SHTN1: variants seen among roughly 807,000 people sequenced by gnomAD.
The protein encoded by SHTN1 is shootin-1.
Under a neutral mutation model 83.1 loss-of-function variants are expected in SHTN1, and 42 were observed. The ratio of observed to expected loss-of-function variants is 0.51; its 90% CI spans 0.39 to 0.65. The LOEUF is 0.65. SHTN1 is among the 30% of genes least tolerant of loss of function. The pLI, the probability that SHTN1 is intolerant of heterozygous loss-of-function variation, is 0.00. For missense variants in SHTN1, 622 were observed against 737.8 expected (o/e 0.84, Z 1.82); for synonymous variants, 224 against 247.7 (o/e 0.90, Z 0.90).
intron 1 of SHTN1, among the ~76,000 whole-genome samples, chr10:117,070,474 C>T (rs765919959): frequency 1.3e-5 from 2 of 151,882 alleles, no homozygotes; most frequent in African/African-American, 2.4e-5. Context: ...AAAATAACTG[C>T]CCAGAATTTA....
chr10:116,910,358 T>C (rs1004349334), intron 14 of SHTN1, among the ~76,000 whole-genome samples: 2 of 152,182 alleles, frequency 1.3e-5, no homozygotes, highest in Non-Finnish European at 2.9e-5. Context: ...GCAAGAAGGA[T>C]GGGGGCAATT....
Position 116,921,520 on chromosome 10 carries a change from T to C in SHTN1, c.1113-4A>G, listed in dbSNP as rs993281417. 6.2e-7 allele frequency: 1 copy of C among 1,609,936 alleles called. No homozygotes were observed. On this transcript the variant is annotated splice_region_variant and splice_polypyrimidine_tract_variant and intron_variant, in intron 11 of 16. Coordinates refer to ENST00000355371, the MANE Select transcript of SHTN1 (RefSeq NM_001127211.3). ...CCGGATCATGGACATGAGGGATCTT[T>C]GGGAGAAAGAAAAAGATCAACAGGA... is the stretch of plus-strand genomic sequence containing the variant.
intron 16 of SHTN1, chr10:116,900,331 A>G (rs1038317202): frequency 1.7e-6 from 1 of 577,320 alleles, no homozygotes; most frequent in Admixed American, 3.0e-5. Flanking sequence ...TGAGAAATAA[A>G]TTGAGCTTCA....
rs545755922 is a variant in SHTN1, at chr10:117,113,640, C to T, written c.-189+12667G>A. On this transcript the variant is annotated intron_variant, in intron 1 of 17. Coordinates refer to the SHTN1 transcript ENST00000392901. Reference sequence around the variant, plus strand: ...TAGAATAACATCACTTGGCCAGGAACAGTGGCTGAATCCCAGAACTTTGGG... The same window carrying T: ...TAGAATAACATCACTTGGCCAGGAATAGTGGCTGAATCCCAGAACTTTGGG... Among the ~76,000 whole-genome samples the T allele has an allele frequency of 2.0e-5, 3 of 152,324 alleles. No individual in the cohort carries two copies. In the South Asian group the frequency reaches 6.2e-4, roughly 32 times the overall value.
At chr10:117,115,680 G>A (rs994396585) in intron 1 of SHTN1, among the ~76,000 whole-genome samples, 1 of 152,086 alleles carries the variant, frequency 6.6e-6, no homozygotes, top group Admixed American at 6.6e-5. Context: ...CTGAAATTGT[G>A]ATATACTCCA....
At chr10:117,032,493 T>C (rs913075616) in intron 2 of SHTN1, among the ~76,000 whole-genome samples, 2 of 152,142 alleles carry the variant, frequency 1.3e-5, no homozygotes, top group African/African-American at 4.8e-5. Context: ...CATGAGCCAC[T>C]GCACCCAGCC....
intron 2 of SHTN1, among the ~76,000 whole-genome samples, chr10:117,013,822 T>C (rs12774341): frequency 0.6 from 90,751 of 152,128 alleles, 30,118 homozygotes; most frequent in Middle Eastern, 0.76. Flanking sequence ...CAAATGTTTA[T>C]AACAGCTTTA....
chr10:117,008,330 A>T (rs1266366605), upstream of SHTN1, among the ~76,000 whole-genome samples: 1 of 152,074 alleles, frequency 6.6e-6, no homozygotes, highest in Non-Finnish European at 1.5e-5. Context: ...AAGTAAAATC[A>T]CATATGTCAT....
At chr10:116,928,849 T>C (rs938296742) in intron 10 of SHTN1, among the ~76,000 whole-genome samples, 1 of 152,200 alleles carries the variant, frequency 6.6e-6, no homozygotes, top group Non-Finnish European at 1.5e-5. Context: ...GTATTTCTTA[T>C]TGTTTCCTAG....
At chr10:117,075,754 A>C (rs1853142539) in intron 1 of SHTN1, among the ~76,000 whole-genome samples, 2 of 152,198 alleles carry the variant, frequency 1.3e-5, no homozygotes, top group African/African-American at 4.8e-5. Context: ...GAGAACACCC[A>C]TGGCAAATAA....
At chr10:117,100,617 C>T (rs544327877) in intron 1 of SHTN1, among the ~76,000 whole-genome samples, 2 of 152,242 alleles carry the variant, frequency 1.3e-5, no homozygotes, top group Admixed American at 1.3e-4. Context: ...GACAGTGCCA[C>T]AGGAAGAACT....
At chr10:117,115,452 A>G (rs1364976305) in intron 1 of SHTN1, among the ~76,000 whole-genome samples, 2 of 152,210 alleles carry the variant, frequency 1.3e-5, no homozygotes, top group Non-Finnish European at 2.9e-5. Flanking sequence ...TCTTTCTCAC[A>G]GTAACCAGCA....
chr10:116,941,355 T>C (rs894800997), intron 8 of SHTN1, among the ~76,000 whole-genome samples: 3 of 152,234 alleles, frequency 2.0e-5, no homozygotes, highest in Admixed American at 6.5e-5. Flanking sequence ...GTATATTTTA[T>C]TGAGCACTGT....
intron 1 of SHTN1, among the ~76,000 whole-genome samples, chr10:117,108,714 T>A (rs4751617): frequency 1 from 152,072 of 152,194 alleles, 75,976 homozygotes; most frequent in Middle Eastern, 1. Flanking sequence ...AATAATAATT[T>A]AAAAACAAGA....
chr10:117,084,686 G>A (rs556011458), intron 1 of SHTN1, among the ~76,000 whole-genome samples: 5 of 152,142 alleles, frequency 3.3e-5, no homozygotes, highest in South Asian at 2.1e-4. Flanking sequence ...AGCAATCAGC[G>A]AGACTCCGTG....
At chr10:117,096,190 G>T (rs1026075415) in intron 1 of SHTN1, among the ~76,000 whole-genome samples, 1 of 152,106 alleles carries the variant, frequency 6.6e-6, no homozygotes, top group Non-Finnish European at 1.5e-5. Context: ...AAAGTGTAAC[G>T]ATTTGGTTAT....
At chr10:117,039,580 C>A (rs184389336) in intron 2 of SHTN1, among the ~76,000 whole-genome samples, 12 of 152,070 alleles carry the variant, frequency 7.9e-5, no homozygotes, top group Non-Finnish European at 1.5e-5. Context: ...CTCGGCCGGG[C>A]GCAGTGGCTC....
At chr10:117,074,539 A>C (rs1853126856) in intron 1 of SHTN1, among the ~76,000 whole-genome samples, 1 of 152,194 alleles carries the variant, frequency 6.6e-6, no homozygotes, top group African/African-American at 2.4e-5. Context: ...AACTCACAAA[A>C]AGAACCACTG....
intron 1 of SHTN1, among the ~76,000 whole-genome samples, chr10:117,094,987 T>C (rs1185418141): frequency 6.6e-6 from 1 of 152,180 alleles, no homozygotes; most frequent in East Asian, 1.9e-4. Context: ...TGTCAGCCAA[T>C]TGTTTTTAGC....
Sources: allele counts gnomAD v4.1 joint callset (sites outside exome capture counted in the v4.1 genomes callset), GRCh38; gene constraint gnomAD v4.1.1; transcripts MANE v1.5; gene names NCBI Gene and HGNC (gene_info 2026-07-23, HGNC 2026-07-21).